The following PPL variants were observed in gnomAD, a reference collection of about 807,000 sequenced individuals.
The protein encoded by PPL is periplakin, also known as 190 kDa paraneoplastic pemphigus antigen.
A neutral mutation model predicts 194.4 loss-of-function variants in PPL; 198 were observed. The ratio of observed to expected loss-of-function variants is 1.02; its 90% CI spans 0.91 to 1.15. The LOEUF (loss-of-function observed/expected upper bound fraction) is 1.15. Ranked by LOEUF, PPL falls within the 50% of genes most tolerant of loss-of-function variation. The pLI is 0.00. For missense variants in PPL, 2,885 were observed against 2,294.8 expected (o/e 1.26, Z -5.25); for synonymous variants, 1,220 against 972.4 (o/e 1.25, Z -4.74).
intron 12 of PPL, 42 bp downstream of exon 12, chr16:4,894,425 G>T: frequency 1.2e-6 from 2 of 1,605,536 alleles, no homozygotes; most frequent in Non-Finnish European, 1.7e-6. Flanking sequence ...AAGCCCTGGG[G>T]GTGGGACTGG....
rs869094472 is a variant in PPL at position 4,889,241 on chromosome 16, G to GT, written c.2314-181dup. Among the ~76,000 whole-genome samples, 56 of 66,622 alleles carry GT rather than the reference G, an allele frequency of 8.4e-4. 2 individuals are homozygous for GT. Among genetic ancestry groups the GT allele is most frequent in the African/African-American group, 4.0e-3 (53 of 13,160 alleles). The allele number at this position is 66,622 out of a possible 152,430, so 43.7% of individuals were successfully genotyped here. A position where few individuals can be genotyped will look rare whatever the true frequency, so the allele number is the denominator to read the frequency against. On this transcript the variant is annotated intron_variant, in intron 18 of 21. Transcript: ENST00000345988. ...AAAAGGCAGTTTTTTTGTTGTTGTT[G>GT]TTTTTTTTTTTTTTTTTTTTTTTTT...
At chr16:4,905,137 C>T (rs899111278) in intron 2 of PPL, among the ~76,000 whole-genome samples, 1 of 152,116 alleles carries the variant, frequency 6.6e-6, no homozygotes, top group African/African-American at 2.4e-5. Flanking sequence ...GGTTGGCTGA[C>T]GCTGGGGCAC....
intron 2 of PPL, among the ~76,000 whole-genome samples, chr16:4,905,538 G>C (rs1021777962): frequency 6.6e-6 from 1 of 152,208 alleles, no homozygotes; most frequent in Non-Finnish European, 1.5e-5. Flanking sequence ...CCTTGCTAAA[G>C]TTACTCAAAA....
chr16:4,897,922 T>G (rs2088466280), intron 8 of PPL, 152 bp from the exon 9 acceptor site: 1 of 626,456 alleles, frequency 1.6e-6, no homozygotes, highest in Non-Finnish European at 2.8e-6. Flanking sequence ...CAGCTTCTGC[T>G]CAGGAGTGGG....
intron 1 of PPL, among the ~76,000 whole-genome samples, chr16:4,921,526 G>C (rs2089050020): frequency 6.6e-6 from 1 of 152,180 alleles, no homozygotes; most frequent in African/African-American, 2.4e-5. Context: ...GAGTGCAGTG[G>C]CATGATCTTG....
At position 4,890,376 on chromosome 16, in the gene PPL, A is replaced by T. The variant is rs768768807; in HGVS notation, c.2163-42T>A. On this transcript the variant is annotated intron_variant, in intron 17 of 21. Transcript: ENST00000345988. ...TTCAGGCCTCAGCCACAGCAAACAG[A>T]TGCCTCACCGAGCCCTCATTTTTTT... 6.5e-6 allele frequency: 10 copies of T among 1,535,682 alleles called. No homozygotes were observed. The African/African-American group carries it at 1.3e-4, about 19-fold the overall frequency.
At chr16:4,893,711 A>C in intron 12 of PPL, 73 bp from the exon 13 acceptor site, 5 of 1,317,738 alleles carry the variant, frequency 3.8e-6, no homozygotes, top group Non-Finnish European at 5.2e-6. Context: ...GGGACTGCGG[A>C]CTCTGGCTGG....
Position 4,902,666 on chromosome 16 carries a change from C to G in PPL, c.318-140G>C. The G allele has an allele frequency of 1.1e-6, 1 of 889,086 alleles. No individual in the cohort carries two copies. Among genetic ancestry groups the G allele is most frequent in the Non-Finnish European group, 1.6e-6 (1 of 608,210 alleles). The allele number at this position is 889,086 out of a possible 1,614,324, so 55.1% of individuals were successfully genotyped here. A position where few individuals can be genotyped will look rare whatever the true frequency, so the allele number is the denominator to read the frequency against. ...GGCCTTGGGTTCCAGACAATCACAG[C>G]ATCCTCTCACCCCTCCTCCCATGCA... On this transcript the variant is annotated intron_variant, in intron 3 of 21. Transcript: ENST00000345988. This position sits in a 1 kb window ranked among gnomAD's most constrained non-coding sequence, Gnocchi z 4.0.
rs1174192722 is a variant in PPL at position 4,891,918 on chromosome 16, G to C, written c.1861C>G (p.Leu621Val). Reference sequence around the variant, plus strand: ...GCCAGCAACTCCCAGCTCTGCTGCAGGCTCTTCTCCAGGCGGTTGGCCACA... The same window carrying C: ...GCCAGCAACTCCCAGCTCTGCTGCACGCTCTTCTCCAGGCGGTTGGCCACA... Reference protein sequence around the residue: ...VDVANRLEKSLQQSWELLATH... With the variant: ...VDVANRLEKSVQQSWELLATH... The change falls in exon 16 of 22, where the codon CTG (leucine) becomes GTG (valine). Residue 621 changes from leucine to valine, a missense_variant. Physicochemically the swap from Leu to Val is conservative, Grantham distance 32. Transcript: ENST00000345988. 1.2e-6 allele frequency: 2 copies of C among 1,613,368 alleles called. No individual in the cohort carries two copies. The highest frequency in any genetic ancestry group is 1.1e-5 in the South Asian group (1 of 91,078).
chr16:4,892,317 G>A, intron 14 of PPL, 104 bp from the exon 15 acceptor site: 1 of 1,300,000 alleles, frequency 7.7e-7, no homozygotes, highest in Non-Finnish European at 1.0e-6. Context: ...CACAGTGGAA[G>A]CAGCTGGAGA....
Position 4,884,966 on chromosome 16 carries a change from T to C in PPL, c.3689A>G (p.Glu1230Gly). ...RRRGPQVEVK[E>G]VTKEVIKYKT... ...GTACTTAATGACTTCCTTAGTCACC[T>C]CTTTGACTTCCACCTGGGGGCCTCG... The change falls in exon 22 of 22, where the codon GAG becomes GGG. Residue 1230 changes from glutamate to glycine, a missense_variant. By Grantham distance (98) the Glu-to-Gly change is moderately conservative. Transcript: ENST00000345988. The surrounding 1 kb of genome is among the most constrained non-coding windows in gnomAD (Gnocchi z 5.7). 1 of 1,614,160 alleles carries C rather than the reference T, an allele frequency of 6.2e-7. No homozygotes were observed. Among genetic ancestry groups the C allele is most frequent in the Non-Finnish European group, 8.5e-7 (1 of 1,180,036 alleles).
intron 3 of PPL, 49 bp downstream of exon 3, chr16:4,903,837 C>A: frequency 6.2e-7 from 1 of 1,605,252 alleles, no homozygotes; most frequent in Non-Finnish European, 8.5e-7. Context: ...CCCGCCCTGG[C>A]CCATAGCCCC....
chr16:4,899,641 G>A (rs2088515011), intron 6 of PPL, among the ~76,000 whole-genome samples: 1 of 152,092 alleles, frequency 6.6e-6, no homozygotes, highest in African/African-American at 2.4e-5. Flanking sequence ...TGCTGGACAT[G>A]GCTCCAGACA....
chr16:4,932,646 G>A (rs1408115055), intron 1 of PPL, among the ~76,000 whole-genome samples: 1 of 152,118 alleles, frequency 6.6e-6, no homozygotes, highest in East Asian at 1.9e-4. Flanking sequence ...TTGAACTCCT[G>A]ACCTCAAGTG....
Position 4,937,055 on chromosome 16 carries a change from C to G in PPL, c.-10G>C. On this transcript the variant is annotated 5_prime_UTR_variant, in exon 1 of 22. Transcript: ENST00000345988. ...TGAAGAGCGAGTTCATGGTGGCGCT[C>G]GGGGTGCGGGCGGCGGCGGCTGGCG... is the stretch of plus-strand genomic sequence containing the variant. 4 of 1,428,586 alleles carry G rather than the reference C, an allele frequency of 2.8e-6. No individual in the cohort carries two copies. Among genetic ancestry groups the G allele is most frequent in the Non-Finnish European group, 2.8e-6 (3 of 1,083,622 alleles). The allele number at this position is 1,428,586 out of a possible 1,614,324, so 88.5% of individuals were successfully genotyped here. A position where few individuals can be genotyped will look rare whatever the true frequency, so the allele number is the denominator to read the frequency against.
Position 4,885,574 on chromosome 16 carries a change from C to A in PPL, c.3081G>T (p.Arg1027=). The A allele has an allele frequency of 1.2e-6, 2 of 1,611,358 alleles. No individual in the cohort carries two copies. Among genetic ancestry groups the A allele is most frequent in the Non-Finnish European group, 1.7e-6 (2 of 1,179,918 alleles). The change falls in exon 22 of 22, where the codon CGG becomes CGT. Residue 1027 remains arginine, a synonymous_variant. Coordinates refer to ENST00000345988, the MANE Select transcript of PPL (RefSeq NM_002705.5). The surrounding 1 kb of genome is among the most constrained non-coding windows in gnomAD (Gnocchi z 6.3). The part of the protein sequence containing the change: ...LEALRRQKGA[R]EAEVLLLQQR... The stretch of plus-strand genomic sequence containing the variant: ...GCTGCAGGAGGAGCACCTCTGCCTC[C>A]CGGGCGCCCTTCTGCCGCCTCAGTG...
intron 1 of PPL, among the ~76,000 whole-genome samples, chr16:4,926,739 C>T (rs1315183221): frequency 4.6e-5 from 7 of 151,904 alleles, no homozygotes; most frequent in African/African-American, 1.7e-4. Context: ...AATAGCCGGG[C>T]GTGGTGGCAG....
intron 1 of PPL, among the ~76,000 whole-genome samples, chr16:4,918,367 T>C (rs2088970539): frequency 6.6e-6 from 1 of 151,358 alleles, no homozygotes; most frequent in Non-Finnish European, 1.5e-5. Flanking sequence ...AGGTCCTGCC[T>C]CTTGTCTCAT....
At chr16:4,911,843 A>AT (rs766120324) in intron 1 of PPL, among the ~76,000 whole-genome samples, 7 of 151,750 alleles carry the variant, frequency 4.6e-5, no homozygotes, top group African/African-American at 1.5e-4. Context: ...CCGACTACAT[A>AT]TTTTTTTGTG....
Sources: allele counts gnomAD v4.1 joint callset (sites outside exome capture counted in the v4.1 genomes callset), GRCh38; gene constraint gnomAD v4.1.1; non-coding constraint Gnocchi (gnomAD v3.1); transcripts MANE v1.5; gene names NCBI Gene and HGNC (gene_info 2026-07-23, HGNC 2026-07-21).